Variants in GNA13 observed in about 807,000 individuals in gnomAD.
GNA13 encodes G protein subunit alpha 13.
Under a neutral mutation model 33.5 loss-of-function variants are expected in GNA13, and 4 were observed. The observed-to-expected ratio is 0.12, with a 90% CI of 0.06 to 0.27. The LOEUF (loss-of-function observed/expected upper bound fraction) is 0.27, where lower values mean the gene tolerates loss of function less well. Among genes scored for constraint, GNA13 ranks in the 10% least tolerant of loss-of-function variants. The probability of loss-of-function intolerance (pLI) is 1.00; values close to 1 mark genes in which losing one functional copy is unlikely to be tolerated. For missense variants in GNA13, 319 were observed against 487.2 expected (o/e 0.65, Z 3.25); for synonymous variants, 176 against 183.8 (o/e 0.96, Z 0.34).
chr17:65,026,585 T>A (rs1017396311), intron 2 of GNA13, among the ~76,000 whole-genome samples: 8 of 152,154 alleles, frequency 5.3e-5, no homozygotes, highest in Non-Finnish European at 1.0e-4. Flanking sequence ...AATCACAAAT[T>A]CATCAAAAAA....
At chr17:65,018,520 T>C (rs1006922370) in intron 2 of GNA13, among the ~76,000 whole-genome samples, 1 of 152,224 alleles carries the variant, frequency 6.6e-6, no homozygotes, top group South Asian at 2.1e-4. Flanking sequence ...AAATGCTTAA[T>C]AGAATCAATA....
intron 2 of GNA13, among the ~76,000 whole-genome samples, chr17:65,046,411 CT>C (rs1392309636): frequency 1.5e-3 from 235 of 152,266 alleles, no homozygotes; most frequent in Non-Finnish European, 2.6e-3. Context: ...TTCTCTCAAC[CT>C]CCCAAGTAGG....
rs1017033482 is a variant in GNA13 at position 65,038,356 on chromosome 17, T to C, written c.510+15146A>G. Among the ~76,000 whole-genome samples, 6 of 151,504 alleles carry C rather than the reference T, an allele frequency of 4.0e-5. No homozygotes were observed. In the South Asian group the frequency reaches 6.2e-4, roughly 16 times the overall value. ...AGGCGGAGGTTGCAGTGAGCCAAGA[T>C]TGCACCACTGCACTCTAGCCTGGGC... On this transcript the variant is annotated intron_variant, in intron 2 of 3. Transcript: ENST00000439174.
intron 1 of GNA13, 60 bp downstream of exon 1, chr17:65,056,251 A>ACCCCCCCCCCCCCCCCCCCCCCCC: frequency 8.1e-6 from 6 of 740,724 alleles, no homozygotes; most frequent in Admixed American, 2.4e-5. Context: ...CCCGCCCCGC[A>ACCCCCCCCCCCCCCCCCCCCCCCC]CCCGCCGCCG....
At position 65,010,385 on chromosome 17, in the gene GNA13, T is replaced by TA. The variant is rs1355508198; in HGVS notation, c.*3871dup. On this transcript the variant is annotated 3_prime_UTR_variant, in exon 4 of 4. Transcript: ENST00000439174. ...ATTAATAAGCCCTAACCTCGTACCA[T>TA]AAAAAAATGGGCATGTGCTGTATTT... Among the ~76,000 whole-genome samples the TA allele has an allele frequency of 6.6e-6, 1 of 151,850 alleles. No individual in the cohort carries two copies. The highest frequency in any genetic ancestry group is 2.1e-4 in the South Asian group (1 of 4,808).
intron 2 of GNA13, among the ~76,000 whole-genome samples, chr17:65,051,389 G>A (rs1907852635): frequency 6.6e-6 from 1 of 152,182 alleles, no homozygotes; most frequent in Non-Finnish European, 1.5e-5. Context: ...GGCAAGGCAG[G>A]CAGATCACCT....
In GNA13 at chr17:65,053,560, G is replaced by A; in HGVS notation, c.452C>T (p.Ala151Val). 1 of 1,613,824 alleles carries A rather than the reference G, an allele frequency of 6.2e-7. No individual in the cohort carries two copies. The highest frequency in any genetic ancestry group is 8.5e-7 in the Non-Finnish European group (1 of 1,179,708). ...CTGTATGCCGCTGTCTGCCCATAATGCTCTTATAGCAGGAAGATATTGTAA... is the reference window on the plus strand; with the variant it reads ...CTGTATGCCGCTGTCTGCCCATAATACTCTTATAGCAGGAAGATATTGTAA... Reference protein sequence around the residue: ...VFLQYLPAIRALWADSGIQNA... With the variant: ...VFLQYLPAIRVLWADSGIQNA... The change falls in exon 2 of 4, where the codon GCA (alanine) becomes GTA (valine). Residue 151 changes from alanine (A) to valine (V), a missense_variant. Ala to Val is a moderately conservative substitution (Grantham distance 64). Transcript: ENST00000439174.
In GNA13 at chr17:65,024,570, G is replaced by A. The variant is rs531258650; in HGVS notation, c.511-6267C>T. On this transcript the variant is annotated intron_variant, in intron 2 of 3. Coordinates refer to ENST00000439174, the MANE Select transcript of GNA13 (RefSeq NM_006572.6). ...CAGTGCCTAAAATATTATACTATCT[G>A]ACCCTTTACACATTTCTAGACCAAT... Among the ~76,000 whole-genome samples, 112 of 152,196 alleles carry A rather than the reference G, an allele frequency of 7.4e-4. 1 individual carries two copies. The highest frequency in any genetic ancestry group is 2.6e-3 in the African/African-American group (108 of 41,518).
intron 2 of GNA13, among the ~76,000 whole-genome samples, chr17:65,019,686 G>C (rs1906513246): frequency 6.6e-6 from 1 of 152,166 alleles, no homozygotes; most frequent in Non-Finnish European, 1.5e-5. Context: ...AGCAAGGGTT[G>C]GGGTGGCAGG....
At chr17:65,043,332 G>C (rs541915722) in intron 2 of GNA13, among the ~76,000 whole-genome samples, 21 of 151,774 alleles carry the variant, frequency 1.4e-4, no homozygotes, top group African/African-American at 4.6e-4. Context: ...CTGTCTCCCA[G>C]GCTGGAGTGC....
intron 2 of GNA13, among the ~76,000 whole-genome samples, chr17:65,037,867 A>T (rs1907314626): frequency 6.6e-6 from 1 of 151,712 alleles, no homozygotes; most frequent in Admixed American, 6.6e-5. Flanking sequence ...TAATCATATC[A>T]GAAAAATTAT....
chr17:65,014,209 A>C lies in GNA13; in HGVS notation c.*48T>G, dbSNP rs1906284934. 1.8e-6 allele frequency: 2 copies of C among 1,118,842 alleles called. No individual in the cohort carries two copies. The highest frequency in any genetic ancestry group is 2.8e-5 in the South Asian group (2 of 70,804). The allele number at this position is 1,118,842 out of a possible 1,614,324, so 69.3% of individuals were successfully genotyped here. ...TATTTTAAAAAACAAAACAAACAGA[A>C]AACATCAAAAACACAAAAAGATATT... On this transcript the variant is annotated 3_prime_UTR_variant, in exon 4 of 4. Coordinates refer to ENST00000439174, the MANE Select transcript of GNA13 (RefSeq NM_006572.6). The surrounding 1 kb of genome is among the most constrained non-coding windows in gnomAD (Gnocchi z 5.3).
intron 2 of GNA13, among the ~76,000 whole-genome samples, chr17:65,037,778 G>GAAAAAAAAAAAAAA (rs71158360): frequency 1.0e-5 from 1 of 99,160 alleles, no homozygotes; most frequent in Non-Finnish European, 1.8e-5. Flanking sequence ...TACAAAAATG[G>GAAAAAAAAAAAAAA]AAAAAAAAAA....
chr17:65,050,431 CTATTA>C (rs1698889911), intron 2 of GNA13, among the ~76,000 whole-genome samples: 2 of 152,140 alleles, frequency 1.3e-5, no homozygotes, highest in African/African-American at 2.4e-5. Context: ...GTGTCAGGTG[CTATTA>C]ACAATGCTGA....
intron 2 of GNA13, among the ~76,000 whole-genome samples, chr17:65,048,370 TAAG>T (rs1429037763): frequency 2.0e-5 from 3 of 152,156 alleles, no homozygotes; most frequent in South Asian, 2.1e-4. Flanking sequence ...TATTGTCACA[TAAG>T]AAGGTTTTCT....
At chr17:65,037,795 A>AT (rs1428575770) in intron 2 of GNA13, among the ~76,000 whole-genome samples, 5 of 150,078 alleles carry the variant, frequency 3.3e-5, no homozygotes, top group Non-Finnish European at 5.9e-5. Flanking sequence ...AAAAAAAAAA[A>AT]AAAAAGACAA....
In GNA13 at chr17:65,055,674, TAC is replaced by T. The variant is rs1908022574; in HGVS notation, c.283+635_283+636del. On this transcript the variant is annotated intron_variant, in intron 1 of 3. Transcript: ENST00000439174. ...TGGGTCCACTCTCTCCTGATTCCAG[TAC>T]AGTCAACCTGACACTCCTCAAGTTT... The T allele has an allele frequency of 1.0e-5, 10 of 985,208 alleles. No homozygotes were observed. In the South Asian group the frequency reaches 4.2e-4, roughly 42 times the overall value. 61.0% of individuals were successfully genotyped at this position (985,208 alleles called of 1,614,324 possible). A position where few individuals can be genotyped will look rare whatever the true frequency, so the allele number is the denominator to read the frequency against.
At chr17:65,054,193 C>A (rs1452509693) in intron 1 of GNA13, among the ~76,000 whole-genome samples, 4 of 152,200 alleles carry the variant, frequency 2.6e-5, no homozygotes, top group African/African-American at 9.6e-5. Context: ...GTTGCTTCGG[C>A]ACCCTAACCC....
At chr17:65,051,529 C>T (rs1199377928) in intron 2 of GNA13, among the ~76,000 whole-genome samples, 3 of 152,042 alleles carry the variant, frequency 2.0e-5, no homozygotes, top group African/African-American at 4.8e-5. Flanking sequence ...GCAGGAGAAT[C>T]GCCTGAACCC....
Sources: allele counts gnomAD v4.1 joint callset (sites outside exome capture counted in the v4.1 genomes callset), GRCh38; gene constraint gnomAD v4.1.1; non-coding constraint Gnocchi (gnomAD v3.1); transcripts MANE v1.5; gene names NCBI Gene and HGNC (gene_info 2026-07-23, HGNC 2026-07-21).